Variants in LIPA observed in about 807,000 individuals in gnomAD.
LIPA encodes lipase A, lysosomal acid type.
In LIPA, 26 loss-of-function variants were observed where a neutral mutation model predicts 40.6. That is an observed-to-expected ratio of 0.64 (90% CI 0.47 to 0.89). The LOEUF is 0.89. Ranked by LOEUF, LIPA falls within the 40% of genes least tolerant of loss-of-function variation. The probability of loss-of-function intolerance (pLI) is 0.00; values close to 1 mark genes in which losing one functional copy is unlikely to be tolerated. For synonymous variants in LIPA, 188 were observed against 168.4 expected (o/e 1.12, Z -0.90); for missense variants, 455 against 479.6 (o/e 0.95, Z 0.48).
chr10:89,400,974 G>A (rs1266962036), intron 2 of LIPA, among the ~76,000 whole-genome samples: 1 of 151,730 alleles, frequency 6.6e-6, no homozygotes. Flanking sequence ...TTTCATAAAG[G>A]GTGTTGAATT....
rs372337866 is a variant in LIPA at position 89,306,486 on chromosome 10, G to C, written c.-2+36125C>G. On this transcript the variant is annotated intron_variant, in intron 1 of 5. Coordinates refer to the LIPA transcript ENST00000282673. The stretch of plus-strand genomic sequence containing the variant: ...CCAAAGAACCCAGAATTCACCTCTG[G>C]ACTGGCAATAGCAAGCTACCGTCTG... The C allele has an allele frequency of 3.7e-6, 6 of 1,613,998 alleles. No individual in the cohort carries two copies. The African/African-American group carries it at 6.7e-5, about 18-fold the overall frequency.
At chr10:89,337,018 C>G (rs72814788) in intron 1 of LIPA, among the ~76,000 whole-genome samples, 2 of 152,268 alleles carry the variant, frequency 1.3e-5, no homozygotes, top group Non-Finnish European at 2.9e-5. Context: ...AAAAATGAGT[C>G]CATTTTGTTT....
intron 2 of LIPA, among the ~76,000 whole-genome samples, chr10:89,397,999 T>A (rs1332261052): frequency 1.3e-5 from 2 of 152,230 alleles, no homozygotes; most frequent in Non-Finnish European, 2.9e-5. Flanking sequence ...TGTGCAACCA[T>A]GACCACCATC....
chr10:89,319,491 A>C (rs918834365), intron 1 of LIPA, among the ~76,000 whole-genome samples: 4 of 152,192 alleles, frequency 2.6e-5, no homozygotes, highest in Non-Finnish European at 5.9e-5. Context: ...GGACACATAC[A>C]CCCTCCCAAG....
chr10:89,384,745 G>T, intron 2 of LIPA: 1 of 1,582,962 alleles, frequency 6.3e-7, no homozygotes, highest in Non-Finnish European at 8.6e-7. Flanking sequence ...TTAACATAGA[G>T]GTCACCATTA....
chr10:89,285,127 C>T lies in LIPA; in HGVS notation c.-1-37478G>A, dbSNP rs371453307. On this transcript the variant is annotated intron_variant, in intron 1 of 5. Coordinates refer to the LIPA transcript ENST00000282673. ...CATGGACGCGAGTGACATTTGGTGC[C>T]GTGACTCGGATCGGGGAACCTCCCT... The T allele has an allele frequency of 2.1e-4, 34 of 159,418 alleles. No homozygotes were observed. The East Asian group carries it at 4.2e-3, about 20-fold the overall frequency. 9.9% of individuals were successfully genotyped at this position (159,418 alleles called of 1,614,324 possible).
chr10:89,340,583 A>G (rs55771127), intron 1 of LIPA: 9,042 of 140,856 alleles, frequency 0.064, 434 homozygotes, highest in Non-Finnish European at 0.095. Context: ...AAAAAAAAAG[A>G]GTTGTTTTCT....
intron 1 of LIPA, among the ~76,000 whole-genome samples, chr10:89,287,432 C>T (rs189395552): frequency 6.6e-6 from 1 of 152,240 alleles, no homozygotes; most frequent in East Asian, 1.9e-4. Context: ...TAATTATCCC[C>T]ACCTGCCCAG....
intron 6 of LIPA, among the ~76,000 whole-genome samples, chr10:89,224,612 T>C: frequency 6.6e-6 from 1 of 152,340 alleles, no homozygotes; most frequent in East Asian, 1.9e-4. Context: ...GTGCCACAGC[T>C]TTAGGGCAGA....
chr10:89,403,749 T>C, intron 2 of LIPA: 1 of 1,129,934 alleles, frequency 8.9e-7, no homozygotes. Flanking sequence ...TTTCATTTCA[T>C]TTTATGCTAA....
At chr10:89,314,726 G>A (rs568164330) in intron 1 of LIPA, 5 of 152,334 alleles carry the variant, frequency 3.3e-5, no homozygotes, top group African/African-American at 1.2e-4. Flanking sequence ...CAGTCACCAT[G>A]TGCAACTGTT....
At chr10:89,300,758 G>A (rs542674209) in intron 1 of LIPA, among the ~76,000 whole-genome samples, 6 of 152,176 alleles carry the variant, frequency 3.9e-5, no homozygotes, top group Admixed American at 6.5e-5. Context: ...AGGCCAAGGC[G>A]GGCAGATCAC....
intron 1 of LIPA, among the ~76,000 whole-genome samples, chr10:89,273,357 G>T (rs1474187733): frequency 6.6e-6 from 1 of 152,186 alleles, no homozygotes; most frequent in African/African-American, 2.4e-5. Flanking sequence ...GGAAGCATTT[G>T]TGGCACTATG....
intron 3 of LIPA, among the ~76,000 whole-genome samples, chr10:89,232,151 A>G (rs892726795): frequency 6.6e-6 from 1 of 152,232 alleles, no homozygotes; most frequent in African/African-American, 2.4e-5. Context: ...GTGTAACTAC[A>G]GGCACCATCA....
chr10:89,339,468 A>C, intron 1 of LIPA: 1 of 1,614,096 alleles, frequency 6.2e-7, no homozygotes, highest in East Asian at 2.2e-5. Context: ...TGGAATCCAC[A>C]CCAAACAATG....
chr10:89,378,164 G>A lies in LIPA; in HGVS notation c.61+34627C>T, dbSNP rs776430747. The A allele has an allele frequency of 2.7e-5, 43 of 1,613,066 alleles. No individual in the cohort carries two copies. The South Asian group carries it at 4.5e-4, about 17-fold the overall frequency. On this transcript the variant is annotated intron_variant, in intron 2 of 8. Transcript: ENST00000371837. ...AGGTAAAGTCTTTCTCTGCTTCACT[G>A]ACCTTATTTCTGCACACTTTGAAAT... is the stretch of plus-strand genomic sequence containing the variant.
rs529884850 is a variant in LIPA, at chr10:89,299,010, T to C, written c.-2+43601A>G. ...AAAAATAAAAAATAAAAAAATAATA[T>C]ATATGTATATATAAAAAATACTAAA... On this transcript the variant is annotated intron_variant, in intron 1 of 5. Transcript: ENST00000282673. 6.0e-5 allele frequency among the ~76,000 whole-genome samples: 9 copies of C among 150,668 alleles called. No individual in the cohort carries two copies. In the East Asian group the frequency reaches 1.5e-3, roughly 26 times the overall value.
intron 8 of LIPA, among the ~76,000 whole-genome samples, chr10:89,220,679 T>C (rs181860731): frequency 6.6e-6 from 1 of 152,278 alleles, no homozygotes; most frequent in Admixed American, 6.5e-5. Context: ...CTAGTTACTA[T>C]AAAGGACCAG....
chr10:89,354,929 C>T (rs1390877498), intron 2 of LIPA, among the ~76,000 whole-genome samples: 1 of 152,068 alleles, frequency 6.6e-6, no homozygotes, highest in Non-Finnish European at 1.5e-5. Context: ...TGGGCAAAGA[C>T]AAAATCATAG....
Sources: allele counts gnomAD v4.1 joint callset (sites outside exome capture counted in the v4.1 genomes callset), GRCh38; gene constraint gnomAD v4.1.1; transcripts MANE v1.5; gene names NCBI Gene and HGNC (gene_info 2026-07-23, HGNC 2026-07-21).